Variants in ANK2 observed in about 807,000 individuals in gnomAD.
ANK2 encodes ankyrin 2.
In ANK2, 83 loss-of-function variants were observed where a neutral mutation model predicts 360.5. The observed-to-expected ratio is 0.23, with a 90% CI of 0.19 to 0.28. The LOEUF (loss-of-function observed/expected upper bound fraction) is 0.28, where lower values mean the gene tolerates loss of function less well. ANK2 is among the 10% of genes least tolerant of loss of function. The probability of loss-of-function intolerance (pLI) is 1.00; values close to 1 mark genes in which losing one functional copy is unlikely to be tolerated. For missense variants in ANK2, 4,201 were observed against 4,795.7 expected (o/e 0.88, Z 3.66); for synonymous variants, 1,740 against 1,759.5 (o/e 0.99, Z 0.28).
intron 26 of ANK2, among the ~76,000 whole-genome samples, chr4:113,325,456 A>G (rs1353795257): frequency 2.0e-5 from 3 of 152,156 alleles, no homozygotes; most frequent in Admixed American, 1.3e-4. Flanking sequence ...ACTGAAATCT[A>G]AAGATGTTAA....
the ANK2 span, among the ~76,000 whole-genome samples, chr4:112,763,449 G>A: frequency 6.6e-6 from 1 of 151,564 alleles, no homozygotes; most frequent in Non-Finnish European, 1.5e-5. Context: ...AGCCAGGATG[G>A]TCTCGATCTC....
At position 113,026,999 on chromosome 4, in the gene ANK2, A is replaced by C. The variant is rs2059414636; in HGVS notation, c.21+122485A>C. Among the ~76,000 whole-genome samples the C allele has an allele frequency of 1.3e-5, 2 of 152,222 alleles. 1 individual carries two copies. The highest frequency in any genetic ancestry group is 4.1e-4 in the South Asian group (2 of 4,822). ...TGCTTTTCCAGGAGGTTGGACACAA[A>C]GGAAGAAGGGCTGGGGTGAGAGTGG... On this transcript the variant is annotated intron_variant, in intron 2 of 30. Transcript: ENST00000503271.
chr4:112,952,755 G>C (rs2095107485), intron 2 of ANK2, among the ~76,000 whole-genome samples: 1 of 152,082 alleles, frequency 6.6e-6, no homozygotes, highest in African/African-American at 2.4e-5. Context: ...ATCTCTTAGA[G>C]ATACTTTTAT....
Position 113,336,750 on chromosome 4 carries a change from A to G in ANK2, c.3765A>G (p.Ala1255=). The change falls in exon 31 of 46, where the codon GCA becomes GCG. Residue 1255 remains alanine, a synonymous_variant. Coordinates refer to ENST00000357077, the MANE Select transcript of ANK2 (RefSeq NM_001148.6). ...DVMLNGFGGD[A]PTLRLLCSIT... is the part of the protein sequence containing the mutation. The stretch of plus-strand genomic sequence containing the variant: ...TGTTGAATGGTTTTGGGGGAGATGC[A>G]CCAACCTTAAGATTACTATGCAGCA... 6.2e-7 allele frequency: 1 copy of G among 1,614,138 alleles called. No homozygotes were observed. Among genetic ancestry groups the G allele is most frequent in the Non-Finnish European group, 8.5e-7 (1 of 1,180,000 alleles).
intron 19 of ANK2, 41 bp downstream of exon 19, chr4:113,287,744 G>A (rs1157807495): frequency 6.5e-7 from 1 of 1,541,896 alleles, no homozygotes; most frequent in Admixed American, 1.7e-5. Flanking sequence ...GGTTCTGGCT[G>A]GGATGATTCC....
At chr4:113,315,346 T>C (rs1317076538) in intron 24 of ANK2, among the ~76,000 whole-genome samples, 1 of 152,224 alleles carries the variant, frequency 6.6e-6, no homozygotes, top group East Asian at 1.9e-4. Flanking sequence ...TGAGACCTGA[T>C]TGATTCTTTC....
At chr4:113,164,099 A>G (rs1308093717) in intron 1 of ANK2, among the ~76,000 whole-genome samples, 1 of 152,080 alleles carries the variant, frequency 6.6e-6, no homozygotes, top group Non-Finnish European at 1.5e-5. Context: ...CTTAAATAAC[A>G]GTTTAATAAA....
At chr4:112,783,153 C>T in the ANK2 span, among the ~76,000 whole-genome samples, 1 of 152,152 alleles carries the variant, frequency 6.6e-6, no homozygotes, top group Non-Finnish European at 1.5e-5. Context: ...CGTGATTCCC[C>T]CCGCATTGGC....
the ANK2 span, among the ~76,000 whole-genome samples, chr4:112,771,834 C>T: frequency 6.6e-6 from 1 of 152,158 alleles, no homozygotes; most frequent in South Asian, 2.1e-4. Flanking sequence ...ATCCACCCGC[C>T]TTGGCCTCCC....
At chr4:112,990,874 T>C (rs2154278326) in intron 2 of ANK2, among the ~76,000 whole-genome samples, 1 of 152,212 alleles carries the variant, frequency 6.6e-6, no homozygotes, top group East Asian at 1.9e-4. Flanking sequence ...ATTTTATAGA[T>C]GTGATTAAAG....
chr4:112,978,204 A>G (rs1478312715), intron 2 of ANK2, among the ~76,000 whole-genome samples: 1 of 151,996 alleles, frequency 6.6e-6, no homozygotes. Flanking sequence ...AGATTGCGCC[A>G]TTGCACTGCA....
At chr4:113,104,113 T>C (rs1315980599) in intron 1 of ANK2, among the ~76,000 whole-genome samples, 2 of 152,262 alleles carry the variant, frequency 1.3e-5, no homozygotes, top group Admixed American at 6.5e-5. Context: ...TTCTTTTCAG[T>C]GGTGAGGTAA....
chr4:113,104,184 A>G (rs1345206434), intron 1 of ANK2, among the ~76,000 whole-genome samples: 1 of 152,170 alleles, frequency 6.6e-6, no homozygotes, highest in Non-Finnish European at 1.5e-5. Flanking sequence ...CTTTTGTTCA[A>G]AAGTTAGATG....
At chr4:113,251,034 A>G (rs576941978) in intron 10 of ANK2, among the ~76,000 whole-genome samples, 20 of 152,282 alleles carry the variant, frequency 1.3e-4, no homozygotes, top group African/African-American at 4.8e-4. Flanking sequence ...TGAATGTTGT[A>G]TAGATCTGTC....
the ANK2 span, among the ~76,000 whole-genome samples, chr4:112,712,395 T>C: frequency 4.0e-5 from 2 of 49,792 alleles, no homozygotes; most frequent in African/African-American, 1.1e-4. Context: ...GTCATATATA[T>C]ATATATATAT....
At chr4:113,220,061 T>A (rs1365129908) in intron 4 of ANK2, among the ~76,000 whole-genome samples, 1 of 152,210 alleles carries the variant, frequency 6.6e-6, no homozygotes, top group African/African-American at 2.4e-5. Context: ...CTCTTTGCTA[T>A]AATTTCTACA....
intron 39 of ANK2, among the ~76,000 whole-genome samples, 169 bp from the exon 40 acceptor site, chr4:113,363,169 G>A (rs1177759356): frequency 1.3e-5 from 2 of 152,064 alleles, no homozygotes; most frequent in Admixed American, 6.6e-5. Context: ...TCCATAATTA[G>A]TACTAGAAGA....
chr4:112,981,311 A>G (rs2043049841), intron 2 of ANK2, among the ~76,000 whole-genome samples: 1 of 152,242 alleles, frequency 6.6e-6, no homozygotes, highest in South Asian at 2.1e-4. Flanking sequence ...ATGGCAAGAT[A>G]TCAGAGATTT....
chr4:112,762,818 T>G, the ANK2 span, among the ~76,000 whole-genome samples: 1 of 152,230 alleles, frequency 6.6e-6, no homozygotes, highest in Non-Finnish European at 1.5e-5. Context: ...CTTCGAAATA[T>G]TTTTGACACT....
Sources: gnomAD v4.1 joint callset for allele counts (sites outside exome capture counted in the v4.1 genomes callset) on GRCh38, gnomAD v4.1.1 for gene constraint, MANE v1.5 for transcripts, NCBI Gene and HGNC (gene_info 2026-07-23, HGNC 2026-07-21) for gene names.